PCDHGA3: variants seen among roughly 807,000 people sequenced by gnomAD.
PCDHGA3 encodes protocadherin gamma subfamily A, 3, also known as protocadherin gamma-A3.
Under a neutral mutation model 58.5 loss-of-function variants are expected in PCDHGA3, and 40 were observed. That is an observed-to-expected ratio of 0.68 (90% CI 0.53 to 0.89). The LOEUF (loss-of-function observed/expected upper bound fraction) is 0.89, where lower values mean the gene tolerates loss of function less well. PCDHGA3 is among the 40% of genes least tolerant of loss of function. The pLI, the probability that PCDHGA3 is intolerant of heterozygous loss-of-function variation, is 0.00. For missense variants in PCDHGA3, 1,223 were observed against 1,195.9 expected, an observed-to-expected ratio of 1.02 and a Z score of -0.33; for synonymous variants, 530 against 525.7, an observed-to-expected ratio of 1.01 and a Z score of -0.11.
rs767577725 is a variant in PCDHGA3 at position 141,485,642 on chromosome 5, G to T, written c.2425-9165G>T. 4.3e-6 allele frequency: 7 copies of T among 1,612,162 alleles called. No homozygotes were observed. The highest frequency in any genetic ancestry group is 1.7e-5 in the Admixed American group (1 of 59,938). ...AGGACAGCGTTTCCCGTTGGAAAAGGCTCAGGATGCAGATGTGGGGAGCAA... is the reference window on the plus strand; with the variant it reads ...AGGACAGCGTTTCCCGTTGGAAAAGTCTCAGGATGCAGATGTGGGGAGCAA... On this transcript the variant is annotated intron_variant, in intron 1 of 3. Coordinates refer to ENST00000253812, the MANE Select transcript of PCDHGA3 (RefSeq NM_018916.4). This position sits in a 1 kb window ranked among gnomAD's most constrained non-coding sequence, Gnocchi z 5.7.
chr5:141,360,408 C>A (rs2149814524), intron 1 of PCDHGA3: 1 of 1,613,870 alleles, frequency 6.2e-7, no homozygotes, highest in Non-Finnish European at 8.5e-7. Context: ...ACAGAATAGA[C>A]CGAGAACAGA....
At chr5:141,466,864 C>G (rs925681539) in intron 1 of PCDHGA3, among the ~76,000 whole-genome samples, 24 of 151,910 alleles carry the variant, frequency 1.6e-4, no homozygotes, top group African/African-American at 5.3e-4. Flanking sequence ...TTTTGAAATC[C>G]ACACATTTTT....
intron 1 of PCDHGA3, among the ~76,000 whole-genome samples, chr5:141,492,530 C>A (rs1595123138): frequency 1.3e-5 from 2 of 152,246 alleles, no homozygotes; most frequent in South Asian, 2.1e-4. Flanking sequence ...CCCACCTGCG[C>A]CCCGGGCTGG....
At chr5:141,389,480 C>G in intron 1 of PCDHGA3, 1 of 1,613,150 alleles carries the variant, frequency 6.2e-7, no homozygotes, top group Non-Finnish European at 8.5e-7. Flanking sequence ...CACTGCAGGC[C>G]CGCGACCAGG....
chr5:141,502,655 C>T (rs72790073), intron 2 of PCDHGA3, among the ~76,000 whole-genome samples: 29,437 of 152,034 alleles, frequency 0.19, 2,877 homozygotes, highest in Middle Eastern at 0.24. Context: ...AGGCAGCAAC[C>T]CTTCATGCAA....
At chr5:141,436,294 G>A (rs1205368824) in intron 1 of PCDHGA3, among the ~76,000 whole-genome samples, 1 of 152,142 alleles carries the variant, frequency 6.6e-6, no homozygotes, top group Non-Finnish European at 1.5e-5. Context: ...AAATCATTGA[G>A]AGTTAGAGCA....
chr5:141,389,074 G>C (rs1561622860), intron 1 of PCDHGA3: 11 of 1,614,030 alleles, frequency 6.8e-6, no homozygotes, highest in Non-Finnish European at 9.3e-6. Context: ...ACTTCTTCAA[G>C]AAACACGTAT....
In PCDHGA3 at chr5:141,432,184, C is replaced by G; in HGVS notation, c.2425-62623C>G. 1 of 1,614,164 alleles carries G rather than the reference C, an allele frequency of 6.2e-7. No individual in the cohort carries two copies. The highest frequency in any genetic ancestry group is 2.2e-5 in the East Asian group (1 of 44,872). On this transcript the variant is annotated intron_variant, in intron 1 of 3. Coordinates refer to ENST00000253812, the MANE Select transcript of PCDHGA3 (RefSeq NM_018916.4). This position sits in a 1 kb window ranked among gnomAD's most constrained non-coding sequence, Gnocchi z 6.0. Reference sequence around the variant, plus strand: ...GAGGAGTTTCCCTCGTCTCTGTGACCGCCCACGACCCCGACTGTGAAGAGA... The same window carrying G: ...GAGGAGTTTCCCTCGTCTCTGTGACGGCCCACGACCCCGACTGTGAAGAGA...
At chr5:141,420,334 T>A in intron 1 of PCDHGA3, 1 of 1,402,910 alleles carries the variant, frequency 7.1e-7, no homozygotes, top group Non-Finnish European at 9.5e-7. Context: ...TATATTCCAA[T>A]ATAGTGGTAT....
At chr5:141,478,940 T>C in intron 1 of PCDHGA3, 2 of 584,636 alleles carry the variant, frequency 3.4e-6, no homozygotes, top group South Asian at 2.7e-5. Flanking sequence ...CTTCTAGGAA[T>C]ACAAAAACTA....
intron 1 of PCDHGA3, among the ~76,000 whole-genome samples, chr5:141,354,516 T>C (rs1475346622): frequency 6.6e-6 from 1 of 152,216 alleles, no homozygotes; most frequent in Non-Finnish European, 1.5e-5. Context: ...TGCAAGGGAA[T>C]TGAAGCATTG....
intron 1 of PCDHGA3, among the ~76,000 whole-genome samples, chr5:141,472,908 C>T (rs1369506606): frequency 1.3e-5 from 2 of 149,744 alleles, no homozygotes; most frequent in African/African-American, 2.5e-5. Context: ...ATTGCTTGAA[C>T]CCAAGAGGAG....
intron 1 of PCDHGA3, among the ~76,000 whole-genome samples, chr5:141,460,958 T>C (rs182414946): frequency 8.2e-6 from 1 of 121,926 alleles, no homozygotes; most frequent in Non-Finnish European, 1.6e-5. Context: ...TATGTATATA[T>C]ATATGTGTGT....
chr5:141,459,300 A>T (rs954766370), intron 1 of PCDHGA3, among the ~76,000 whole-genome samples: 1 of 152,202 alleles, frequency 6.6e-6, no homozygotes, highest in Non-Finnish European at 1.5e-5. Flanking sequence ...ATCCTATAAC[A>T]TATACTATTT....
chr5:141,389,166 C>G (rs1340986620), intron 1 of PCDHGA3: 1 of 1,613,988 alleles, frequency 6.2e-7, no homozygotes, highest in Non-Finnish European at 8.5e-7. Context: ...TCGGGGCAAG[C>G]CTCCCCTCTC....
In PCDHGA3 at chr5:141,476,218, C is replaced by G. The variant is rs1562052166; in HGVS notation, c.2425-18589C>G. On this transcript the variant is annotated intron_variant, in intron 1 of 3. Transcript: ENST00000253812. The surrounding 1 kb of genome is among the most constrained non-coding windows in gnomAD (Gnocchi z 7.6). ...TGAACAAGGCTTCCACGGTCATTCA[C>G]TATGAGATCCCGGAGGAAAGAGAGA... is the stretch of plus-strand genomic sequence containing the variant. 1 of 1,613,984 alleles carries G rather than the reference C, an allele frequency of 6.2e-7. No homozygotes were observed.
intron 2 of PCDHGA3, among the ~76,000 whole-genome samples, chr5:141,495,452 C>G (rs543717781): frequency 1.3e-5 from 2 of 152,356 alleles, no homozygotes; most frequent in South Asian, 2.1e-4. Context: ...TTGTCCTGCT[C>G]TCTGTCTGTG....
At chr5:141,407,622 A>G (rs2094961891) in intron 1 of PCDHGA3, among the ~76,000 whole-genome samples, 3 of 152,316 alleles carry the variant, frequency 2.0e-5, no homozygotes, top group South Asian at 2.1e-4. Context: ...TTGACATTCT[A>G]TATCTCGTAT....
At chr5:141,355,704 G>A (rs1022748155) in intron 1 of PCDHGA3, 1 of 1,613,868 alleles carries the variant, frequency 6.2e-7, no homozygotes, top group East Asian at 2.2e-5. Flanking sequence ...ACTCCCTGCA[G>A]GGTTACCAGC....
Sources: gnomAD v4.1 joint callset for allele counts (sites outside exome capture counted in the v4.1 genomes callset) on GRCh38, gnomAD v4.1.1 for gene constraint, Gnocchi (gnomAD v3.1) non-coding constraint, MANE v1.5 for transcripts, NCBI Gene and HGNC (gene_info 2026-07-23, HGNC 2026-07-21) for gene names.